KCNH7: variants seen among roughly 807,000 people sequenced by gnomAD.
KCNH7 encodes the protein voltage-gated inwardly rectifying potassium channel KCNH7.
In KCNH7, 49 loss-of-function variants were observed where a neutral mutation model predicts 120.8. That is an observed-to-expected ratio of 0.41 (90% CI 0.32 to 0.51). The LOEUF (loss-of-function observed/expected upper bound fraction) is 0.51, where lower values mean the gene tolerates loss of function less well. KCNH7 is among the 20% of genes least tolerant of loss of function. KCNH7 has a pLI of 0.38. For missense variants in KCNH7, 1,097 were observed against 1,446.6 expected (o/e 0.76, Z 3.92); for synonymous variants, 547 against 516.1 (o/e 1.06, Z -0.81).
At chr2:162,408,131 T>TA (rs1687283728) in intron 9 of KCNH7, among the ~76,000 whole-genome samples, 1 of 152,026 alleles carries the variant, frequency 6.6e-6, no homozygotes, top group African/African-American at 2.4e-5. Flanking sequence ...GACTCGCCAT[T>TA]GCTGTCCATC....
At chr2:162,483,922 T>C (rs192141507) in intron 6 of KCNH7, among the ~76,000 whole-genome samples, 12 of 152,184 alleles carry the variant, frequency 7.9e-5, no homozygotes, top group African/African-American at 2.6e-4. Flanking sequence ...TCATCCACCT[T>C]AGGTGAAAAA....
At chr2:162,665,308 T>C (rs985168231) in intron 2 of KCNH7, among the ~76,000 whole-genome samples, 5 of 152,228 alleles carry the variant, frequency 3.3e-5, no homozygotes, top group African/African-American at 1.2e-4. Context: ...AATCCTCATT[T>C]TTATTATAGG....
intron 6 of KCNH7, among the ~76,000 whole-genome samples, chr2:162,474,519 GTC>G (rs1689665994): frequency 6.6e-6 from 1 of 152,200 alleles, no homozygotes; most frequent in African/African-American, 2.4e-5. Flanking sequence ...TGGTATTCAT[GTC>G]TTTATGTAAT....
chr2:162,802,516 T>C (rs937260951), intron 2 of KCNH7, among the ~76,000 whole-genome samples: 1 of 151,774 alleles, frequency 6.6e-6, no homozygotes, highest in Non-Finnish European at 1.5e-5. Context: ...AACTCAGAAT[T>C]GAGTACATTT....
intron 6 of KCNH7, among the ~76,000 whole-genome samples, chr2:162,491,401 C>A (rs1690302902): frequency 6.6e-6 from 1 of 152,156 alleles, no homozygotes; most frequent in Non-Finnish European, 1.5e-5. Context: ...TAGGCCAGGA[C>A]CCCAATTCAC....
chr2:162,559,297 A>C (rs1294040859), intron 2 of KCNH7, among the ~76,000 whole-genome samples: 1 of 152,094 alleles, frequency 6.6e-6, no homozygotes, highest in Non-Finnish European at 1.5e-5. Context: ...AAGAACTCTT[A>C]ATTACAAGGC....
chr2:162,399,464 T>C (rs1687009256), intron 10 of KCNH7, among the ~76,000 whole-genome samples: 1 of 151,910 alleles, frequency 6.6e-6, no homozygotes, highest in African/African-American at 2.4e-5. Context: ...GTTGGTGTGC[T>C]GCACCCATTA....
chr2:162,568,699 A>T (rs915275465), intron 2 of KCNH7, among the ~76,000 whole-genome samples: 13 of 152,012 alleles, frequency 8.6e-5, no homozygotes, highest in Non-Finnish European at 1.8e-4. Flanking sequence ...GAAATACAAA[A>T]TATATATAAG....
intron 2 of KCNH7, among the ~76,000 whole-genome samples, chr2:162,542,375 T>G: frequency 6.7e-6 from 1 of 149,646 alleles, no homozygotes. Flanking sequence ...GCATTAGGTA[T>G]ATCTCCTAAT....
rs533153018 is a variant in KCNH7 at position 162,551,550 on chromosome 2, G to A, written c.308-14470C>T. ...AATTACTTGAAGATTAAAAAAAACA[G>A]AGAAGGTGAACTAGAGAACAAATAT... On this transcript the variant is annotated intron_variant, in intron 2 of 15. Coordinates refer to ENST00000332142, the MANE Select transcript of KCNH7 (RefSeq NM_033272.4). Among the ~76,000 whole-genome samples the A allele has an allele frequency of 1.1e-4, 16 of 151,982 alleles. No homozygotes were observed. The East Asian group carries it at 2.3e-3, about 22-fold the overall frequency.
At chr2:162,460,275 A>G (rs990546966) in intron 6 of KCNH7, among the ~76,000 whole-genome samples, 7 of 152,054 alleles carry the variant, frequency 4.6e-5, no homozygotes, top group African/African-American at 1.7e-4. Flanking sequence ...TCGAGAGAAG[A>G]AGACCAAACT....
intron 2 of KCNH7, among the ~76,000 whole-genome samples, chr2:162,778,169 T>C (rs921815090): frequency 1.3e-5 from 2 of 152,178 alleles, no homozygotes; most frequent in Non-Finnish European, 2.9e-5. Flanking sequence ...TTTCTCTTTA[T>C]TGGAAGTCAA....
intron 2 of KCNH7, among the ~76,000 whole-genome samples, chr2:162,801,567 A>G (rs1303942405): frequency 2.0e-5 from 3 of 151,828 alleles, no homozygotes; most frequent in Non-Finnish European, 4.4e-5. Flanking sequence ...AAGGCAACAG[A>G]ATCATTTTTC....
chr2:162,750,757 T>C (rs1188239001), intron 2 of KCNH7, among the ~76,000 whole-genome samples: 1 of 152,124 alleles, frequency 6.6e-6, no homozygotes, highest in African/African-American at 2.4e-5. Context: ...TTTGGGTGCA[T>C]GGAAGAATGT....
intron 2 of KCNH7, among the ~76,000 whole-genome samples, chr2:162,564,898 C>T (rs1693199806): frequency 6.6e-6 from 1 of 152,106 alleles, no homozygotes; most frequent in Non-Finnish European, 1.5e-5. Flanking sequence ...CTCTCCAAAA[C>T]CCCACTTGGT....
At position 162,712,362 on chromosome 2, in the gene KCNH7, T is replaced by C. The variant is rs1441043727; in HGVS notation, c.307+124175A>G. Reference sequence around the variant, plus strand: ...TATCACCAGCTCCAAAGTCCATCTCTACCTAACTCAATAAAGTTGTTCTCT... The same window carrying C: ...TATCACCAGCTCCAAAGTCCATCTCCACCTAACTCAATAAAGTTGTTCTCT... On this transcript the variant is annotated intron_variant, in intron 2 of 15. Transcript: ENST00000332142. 3.3e-5 allele frequency among the ~76,000 whole-genome samples: 5 copies of C among 152,242 alleles called. No individual in the cohort carries two copies. The East Asian group carries it at 9.7e-4, about 29-fold the overall frequency.
intron 2 of KCNH7, among the ~76,000 whole-genome samples, chr2:162,719,143 T>C (rs35733065): frequency 0.023 from 3,428 of 152,146 alleles, 74 homozygotes; most frequent in East Asian, 0.12. Context: ...ACAATGTGTA[T>C]GTAGGCCTAC....
intron 6 of KCNH7, among the ~76,000 whole-genome samples, chr2:162,485,142 T>C (rs1690052439): frequency 6.6e-6 from 1 of 152,162 alleles, no homozygotes; most frequent in Admixed American, 6.5e-5. Context: ...CAAAATTACC[T>C]CAAAGGTGAG....
At chr2:162,379,776 T>G in intron 14 of KCNH7, 77 bp downstream of exon 14, 1 of 1,381,112 alleles carries the variant, frequency 7.2e-7, no homozygotes, top group Non-Finnish European at 9.9e-7. Context: ...AAGGAGAATT[T>G]TCCATTTGTA....
Sources: gnomAD v4.1 joint callset for allele counts (sites outside exome capture counted in the v4.1 genomes callset) on GRCh38, gnomAD v4.1.1 for gene constraint, MANE v1.5 for transcripts, NCBI Gene and HGNC (gene_info 2026-07-23, HGNC 2026-07-21) for gene names.